The following MRPS35 variants were observed in gnomAD, a reference collection of about 807,000 sequenced individuals.
MRPS35 encodes small ribosomal subunit protein mS35.
In MRPS35, 29 loss-of-function variants were observed where a neutral mutation model predicts 32.7. The ratio of observed to expected loss-of-function variants is 0.89; its 90% CI spans 0.66 to 1.21. MRPS35 has a LOEUF of 1.21. MRPS35 is among the 50% of genes most tolerant of loss of function. The pLI, the probability that MRPS35 is intolerant of heterozygous loss-of-function variation, is 0.00. For missense variants in MRPS35, 373 were observed against 383.8 expected (o/e 0.97, Z 0.23); for synonymous variants, 148 against 139.3 (o/e 1.06, Z -0.44).
chr12:27,723,936 C>CT (rs1464013174), intron 4 of MRPS35, 111 bp from the exon 5 acceptor site: 1 of 1,050,466 alleles, frequency 9.5e-7, no homozygotes. Flanking sequence ...AGAATCTGTT[C>CT]TTTCATGTAA....
chr12:27,720,018 AC>A (rs2061867061), intron 4 of MRPS35, 150 bp downstream of exon 4: 1 of 599,582 alleles, frequency 1.7e-6, no homozygotes, highest in African/African-American at 1.9e-5. Flanking sequence ...GCTAACCACT[AC>A]AAGGTATTAG....
intron 1 of MRPS35, 42 bp from the exon 2 acceptor site, chr12:27,714,738 G>C (rs1348893206): frequency 3.3e-6 from 5 of 1,494,784 alleles, no homozygotes; most frequent in Non-Finnish European, 4.6e-6. Flanking sequence ...AACTTGACAT[G>C]ATAAAATTCT....
intron 5 of MRPS35, among the ~76,000 whole-genome samples, chr12:27,734,955 A>G (rs915281468): frequency 3.9e-5 from 6 of 152,196 alleles, no homozygotes; most frequent in Admixed American, 3.9e-4. Context: ...GCTGTATTCC[A>G]GCTTCCATGA....
intron 6 of MRPS35, 139 bp from the exon 7 acceptor site, chr12:27,737,400 T>G: frequency 1.5e-6 from 1 of 664,026 alleles, no homozygotes; most frequent in Non-Finnish European, 2.7e-6. Context: ...ACTATTTTTA[T>G]TCCAAAAACA....
At chr12:27,746,712 A>G (rs2061982913) in intron 7 of MRPS35, among the ~76,000 whole-genome samples, 1 of 152,188 alleles carries the variant, frequency 6.6e-6, no homozygotes. Context: ...AAAGACCTTT[A>G]AGAAAAACTC....
chr12:27,726,382 TTATC>T (rs2061900741), intron 5 of MRPS35, among the ~76,000 whole-genome samples: 1 of 152,164 alleles, frequency 6.6e-6, no homozygotes, highest in East Asian at 1.9e-4. Flanking sequence ...CACATTTTAT[TTATC>T]CATTCATTAA....
At chr12:27,728,615 T>A (rs1307021029) in intron 5 of MRPS35, among the ~76,000 whole-genome samples, 1 of 152,152 alleles carries the variant, frequency 6.6e-6, no homozygotes, top group Non-Finnish European at 1.5e-5. Flanking sequence ...TGGTATTTTT[T>A]AAGCTCTGTT....
In MRPS35 at chr12:27,716,342, G is replaced by GT. The variant is rs768184567; in HGVS notation, c.208dup (p.Tyr70LeufsTer8). 5 of 1,614,034 alleles carry GT rather than the reference G, an allele frequency of 3.1e-6. No homozygotes were observed. On this transcript the variant is annotated frameshift_variant, in exon 3 of 8. Coordinates refer to ENST00000081029, the MANE Select transcript of MRPS35 (RefSeq NM_021821.4). LOFTEE classifies it high-confidence loss of function. ...GGCTGTTGACCAGGACTGGCCTAGT[G>GT]TTTACCCAGTTGCAGCACCATTTAA...
At chr12:27,711,027 G>A (rs2061818379) in intron 1 of MRPS35, 72 bp downstream of exon 1, 4 of 1,425,120 alleles carry the variant, frequency 2.8e-6, no homozygotes, top group Non-Finnish European at 3.9e-6. Flanking sequence ...CATGAAGGGT[G>A]CCGCGGTGGC....
chr12:27,744,943 GT>G (rs1006975277), intron 7 of MRPS35, among the ~76,000 whole-genome samples: 3 of 152,100 alleles, frequency 2.0e-5, no homozygotes, highest in African/African-American at 7.2e-5. Context: ...GGGTAAATTA[GT>G]TGTTCCATCT....
intron 1 of MRPS35, among the ~76,000 whole-genome samples, chr12:27,711,641 A>G (rs1005013250): frequency 1.3e-5 from 2 of 151,760 alleles, no homozygotes; most frequent in South Asian, 4.2e-4. Context: ...CATACTACCA[A>G]CTATCTAGTT....
chr12:27,731,241 G>A (rs998001995), intron 5 of MRPS35, among the ~76,000 whole-genome samples: 3 of 152,056 alleles, frequency 2.0e-5, no homozygotes, highest in Admixed American at 6.6e-5. Context: ...CCCATTCCTA[G>A]AATCAGCATT....
intron 4 of MRPS35, among the ~76,000 whole-genome samples, chr12:27,723,289 C>T (rs2061884651): frequency 6.6e-6 from 1 of 151,128 alleles, no homozygotes; most frequent in African/African-American, 2.4e-5. Context: ...TTTTTTTTTC[C>T]CATTAGGGGC....
Position 27,724,770 on chromosome 12 carries a change from C to T in MRPS35, c.522+584C>T, listed in dbSNP as rs138216326. Among the ~76,000 whole-genome samples the T allele has an allele frequency of 6.0e-3, 908 of 151,976 alleles. 8 individuals carry two copies. Among genetic ancestry groups the T allele is most frequent in the African/African-American group, 0.021 (868 of 41,458 alleles). On this transcript the variant is annotated intron_variant, in intron 5 of 7. Transcript: ENST00000081029. ...AAAAAAAAAAAATTACAAAATTGCC[C>T]GTAAATCTACTATTTGTAACCACTG...
chr12:27,738,290 T>C (rs2061950225), intron 7 of MRPS35, among the ~76,000 whole-genome samples: 1 of 152,176 alleles, frequency 6.6e-6, no homozygotes, highest in East Asian at 1.9e-4. Flanking sequence ...CTTTCAGTAA[T>C]TGTGTGCATG....
intron 5 of MRPS35, among the ~76,000 whole-genome samples, 159 bp from the exon 6 acceptor site, chr12:27,735,288 G>T (rs2061938751): frequency 6.6e-6 from 1 of 152,160 alleles, no homozygotes; most frequent in Admixed American, 6.5e-5. Context: ...AGTAAGATCA[G>T]GGTTTATAAT....
intron 1 of MRPS35, among the ~76,000 whole-genome samples, chr12:27,712,668 A>G (rs1029190307): frequency 6.6e-6 from 1 of 152,206 alleles, no homozygotes; most frequent in African/African-American, 2.4e-5. Context: ...GAGCAATTGG[A>G]TGAATGATGA....
chr12:27,730,743 T>C (rs1274549593), intron 5 of MRPS35, among the ~76,000 whole-genome samples: 1 of 152,166 alleles, frequency 6.6e-6, no homozygotes, highest in African/African-American at 2.4e-5. Context: ...AGTGCTGGGA[T>C]TACAGGCAGT....
intron 1 of MRPS35, 61 bp downstream of exon 1, chr12:27,711,016 T>C: frequency 6.8e-7 from 1 of 1,481,340 alleles, no homozygotes; most frequent in African/African-American, 1.4e-5. Flanking sequence ...AATACCGGCC[T>C]CATGAAGGGT....
Sources: allele counts gnomAD v4.1 joint callset (sites outside exome capture counted in the v4.1 genomes callset), GRCh38; gene constraint gnomAD v4.1.1; transcripts MANE v1.5; gene names NCBI Gene and HGNC (gene_info 2026-07-23, HGNC 2026-07-21).